The following IFT46 variants were observed in gnomAD, a reference collection of about 807,000 sequenced individuals.
IFT46 encodes intraflagellar transport 46, also known as intraflagellar transport protein 46 homolog.
In IFT46, 19 loss-of-function variants were observed where a neutral mutation model predicts 39.6. The ratio of observed to expected loss-of-function variants is 0.48; its 90% CI spans 0.33 to 0.70. The LOEUF (loss-of-function observed/expected upper bound fraction) is 0.70, where lower values mean the gene tolerates loss of function less well. Ranked by LOEUF, IFT46 falls within the 30% of genes least tolerant of loss-of-function variation. The pLI is 0.01. For missense variants in IFT46, 334 were observed against 364.8 expected, an observed-to-expected ratio of 0.92 and a Z score of 0.69; for synonymous variants, 117 against 134.8, an observed-to-expected ratio of 0.87 and a Z score of 0.91.
At chr11:118,572,644 C>A in exon 1 of IFT46, 1 of 1,512,348 alleles carries the variant, frequency 6.6e-7, no homozygotes, top group Non-Finnish European at 9.0e-7. Context: ...GGAGCCCCGC[C>A]CTGAGGGTCT....
At chr11:118,555,150 A>C (rs1483033524) in intron 5 of IFT46, 67 bp from the exon 6 acceptor site, 1 of 1,547,432 alleles carries the variant, frequency 6.5e-7, no homozygotes, top group Non-Finnish European at 8.9e-7. Context: ...CAGGCTAAAA[A>C]AAAATCTAAG....
At chr11:118,551,170 G>A (rs1555068379) in intron 9 of IFT46, among the ~76,000 whole-genome samples, 2 of 149,846 alleles carry the variant, frequency 1.3e-5, no homozygotes. Flanking sequence ...TCAGGAATTC[G>A]AGACCAGCCT....
At chr11:118,565,721 G>A (rs1475123212) in intron 1 of IFT46, 69 bp downstream of exon 1, 1 of 152,722 alleles carries the variant, frequency 6.5e-6, no homozygotes, top group African/African-American at 2.4e-5. Context: ...CGGGAATGGG[G>A]TAAAGGGGAG....
intron 1 of IFT46, chr11:118,572,326 A>G (rs779903099): frequency 8.2e-6 from 4 of 489,352 alleles, no homozygotes; most frequent in Non-Finnish European, 1.1e-5. Flanking sequence ...GGTACCCTCA[A>G]TTTCCCCAGC....
upstream of IFT46, chr11:118,566,200 A>G (rs1938222419): frequency 6.6e-6 from 1 of 152,188 alleles, no homozygotes; most frequent in Non-Finnish European, 1.5e-5. Context: ...TTGTTCCCCT[A>G]GGACAACAAT....
At chr11:118,551,625 G>C (rs1555068466) in intron 9 of IFT46, among the ~76,000 whole-genome samples, 161 bp downstream of exon 9, 1 of 144,048 alleles carries the variant, frequency 6.9e-6, no homozygotes, top group African/African-American at 2.6e-5. Context: ...AGTGAGCCAT[G>C]ATCATGCCAC....
At chr11:118,561,449 A>G (rs1938052381) in intron 2 of IFT46, 6 of 791,156 alleles carry the variant, frequency 7.6e-6, no homozygotes, top group Non-Finnish European at 1.3e-5. Context: ...AGTCTATGAA[A>G]AGAGGCCCAA....
intron 9 of IFT46, chr11:118,547,190 A>T (rs1555067393): frequency 6.6e-6 from 1 of 152,248 alleles, no homozygotes; most frequent in East Asian, 1.9e-4. Flanking sequence ...TGTGTTTACA[A>T]TCAATTCTTC....
chr11:118,572,784 C>G, exon 1 of IFT46: 1 of 475,576 alleles, frequency 2.1e-6, no homozygotes, highest in Non-Finnish European at 3.8e-6. Context: ...CCCCAACCAG[C>G]TGGACTCCCT....
upstream of IFT46, among the ~76,000 whole-genome samples, chr11:118,569,771 T>C (rs982816517): frequency 2.6e-5 from 4 of 152,216 alleles, no homozygotes; most frequent in Non-Finnish European, 4.4e-5. Flanking sequence ...AATGAGATAA[T>C]CTGTGTGAAG....
chr11:118,555,080 G>A lies in IFT46; in HGVS notation c.264C>T (p.Tyr88=). Residue 88 remains tyrosine, a synonymous_variant, in exon 6 of 12, where the codon TAC becomes TAT. Coordinates refer to ENST00000264021, the MANE Select transcript of IFT46 (RefSeq NM_001168618.2). ...GGTCCAGGTCAATCAACTGAGGTGT[G>A]TACCTAGGAGATATTGCCAAGGGAA... ...IKELFQYISR[Y]TPQLIDLDHK... is the part of the protein sequence containing the mutation. 1 of 1,610,530 alleles carries A rather than the reference G, an allele frequency of 6.2e-7. No homozygotes were observed. Among genetic ancestry groups the A allele is most frequent in the Non-Finnish European group, 8.5e-7 (1 of 1,176,770 alleles).
At chr11:118,552,379 C>G (rs915521842) in intron 7 of IFT46, 44 bp from the exon 8 acceptor site, 4 of 1,606,944 alleles carry the variant, frequency 2.5e-6, no homozygotes, top group African/African-American at 1.3e-5. Flanking sequence ...ACTGAAGTAG[C>G]TCTCTTGTTT....
intron 4 of IFT46, among the ~76,000 whole-genome samples, chr11:118,556,293 C>A (rs1237421917): frequency 1.3e-5 from 2 of 152,098 alleles, no homozygotes; most frequent in Non-Finnish European, 2.9e-5. Context: ...AGATCGAGAC[C>A]ATCCTGGCTA....
chr11:118,574,982 T>C (rs371765141), upstream of IFT46, among the ~76,000 whole-genome samples: 1 of 152,044 alleles, frequency 6.6e-6, no homozygotes, highest in East Asian at 1.9e-4. Context: ...CTTTTTTTCT[T>C]GTTTGTTTGG....
chr11:118,576,444 A>AAC (rs1438460862), upstream of IFT46, among the ~76,000 whole-genome samples: 1 of 148,236 alleles, frequency 6.7e-6, no homozygotes, highest in Non-Finnish European at 1.5e-5. Context: ...AAAAAAAAAA[A>AAC]AAAAACCAAA....
chr11:118,548,893 CTTTT>C (rs570165873), intron 9 of IFT46, among the ~76,000 whole-genome samples: 1,590 of 135,446 alleles, frequency 0.012, 29 homozygotes, highest in African/African-American at 0.039. Context: ...TCCATTATGA[CTTTT>C]TTTTTTTTTT....
Position 118,545,400 on chromosome 11 carries a change from T to C in IFT46, c.819+9A>G. On this transcript the variant is annotated intron_variant, in intron 11 of 11. Coordinates refer to ENST00000264021, the MANE Select transcript of IFT46 (RefSeq NM_001168618.2). Reference sequence around the variant, plus strand: ...TACAGCTTAAGTCAACCCCTGATGCTTGGCTCACCTGTGAGTTCTTGAATT... The same window carrying C: ...TACAGCTTAAGTCAACCCCTGATGCCTGGCTCACCTGTGAGTTCTTGAATT... 1 of 1,597,538 alleles carries C rather than the reference T, an allele frequency of 6.3e-7. No homozygotes were observed. Among genetic ancestry groups the C allele is most frequent in the African/African-American group, 1.3e-5 (1 of 74,664 alleles).
At position 118,545,454 on chromosome 11, in the gene IFT46, G is replaced by A. The variant is rs782417140; in HGVS notation, c.774C>T (p.Ser258=). 6.2e-6 allele frequency: 10 copies of A among 1,613,638 alleles called. No homozygotes were observed. The highest frequency in any genetic ancestry group is 5.0e-5 in the Admixed American group (3 of 59,982). ...AGTAGAGGGAAAAGAGCAGATGGAG[G>A]GACTGGATCCGACTCTTGTAGACAG... ...DIPVYKSRIQ[S]LHLLFSLYSE... The change falls in exon 11 of 12, where the codon TCC becomes TCT. Residue 258 remains serine, a synonymous_variant. Coordinates refer to ENST00000264021, the MANE Select transcript of IFT46 (RefSeq NM_001168618.2).
At chr11:118,555,835 A>C (rs148065856) in intron 4 of IFT46, among the ~76,000 whole-genome samples, 277 of 152,056 alleles carry the variant, frequency 1.8e-3, no homozygotes, top group African/African-American at 6.3e-3. Flanking sequence ...AGGCAGAAGA[A>C]TCACTTGAAC....
Sources: allele counts gnomAD v4.1 joint callset (sites outside exome capture counted in the v4.1 genomes callset), GRCh38; gene constraint gnomAD v4.1.1; transcripts MANE v1.5; gene names NCBI Gene and HGNC (gene_info 2026-07-23, HGNC 2026-07-21).